The following RUFY1 variants were observed in gnomAD, a reference collection of about 807,000 sequenced individuals.
The protein encoded by RUFY1 is RUN and FYVE domain containing 1.
In RUFY1, 54 loss-of-function variants were observed where a neutral mutation model predicts 94.6. The observed-to-expected ratio is 0.57, with a 90% CI of 0.46 to 0.72. RUFY1 has a LOEUF of 0.72. Ranked by LOEUF, RUFY1 falls within the 30% of genes least tolerant of loss-of-function variation. The pLI is 0.00. For synonymous variants in RUFY1, 396 were observed against 347.3 expected, an observed-to-expected ratio of 1.14 and a Z score of -1.56; for missense variants, 883 against 883.9, an observed-to-expected ratio of 1.00 and a Z score of 0.01.
intron 14 of RUFY1, 145 bp from the exon 15 acceptor site, chr5:179,601,747 A>G (rs1374309223): frequency 6.9e-6 from 4 of 580,356 alleles, no homozygotes; most frequent in Non-Finnish European, 1.2e-5. Flanking sequence ...TGAACCCAGG[A>G]GGCGGAGGTT....
intron 3 of RUFY1, among the ~76,000 whole-genome samples, chr5:179,566,261 TTTCTC>T (rs574340274): frequency 1.4e-4 from 22 of 152,332 alleles, no homozygotes; most frequent in African/African-American, 4.8e-4. Flanking sequence ...TTTCTTTTCT[TTTCTC>T]TTCTTTTCTT....
At chr5:179,593,782 G>T in intron 11 of RUFY1, 137 bp downstream of exon 11, 1 of 1,351,860 alleles carries the variant, frequency 7.4e-7, no homozygotes, top group Non-Finnish European at 9.9e-7. Flanking sequence ...GACCTATTAT[G>T]ATTTTGATCC....
chr5:179,559,938 G>C (rs1409382437), intron 1 of RUFY1, 87 bp from the exon 2 acceptor site: 14 of 1,512,854 alleles, frequency 9.3e-6, no homozygotes, highest in Non-Finnish European at 1.2e-5. Flanking sequence ...CTGGCCTCCT[G>C]CCTGACCCGT....
At chr5:179,559,677 G>T (rs1581422151) in intron 1 of RUFY1, 1 of 1,034,366 alleles carries the variant, frequency 9.7e-7, no homozygotes, top group Non-Finnish European at 1.2e-6. Context: ...TGTAGGTAGC[G>T]CCCTTCCATT....
At position 179,608,566 on chromosome 5, in the gene RUFY1, C is replaced by T. The variant is rs551589347; in HGVS notation, c.1984-810C>T. Reference sequence around the variant, plus strand: ...AGCAAAGAGAACGAACCAGACTCTTCCTGTAACATGGACTAGCAGCTCACT... The same window carrying T: ...AGCAAAGAGAACGAACCAGACTCTTTCTGTAACATGGACTAGCAGCTCACT... On this transcript the variant is annotated intron_variant, in intron 17 of 17. Transcript: ENST00000319449. The T allele has an allele frequency of 2.4e-4, 232 of 985,486 alleles. No homozygotes were observed. The African/African-American group carries it at 3.9e-3, about 17-fold the overall frequency. 61.0% of individuals were successfully genotyped at this position (985,486 alleles called of 1,614,324 possible). A position where few individuals can be genotyped will look rare whatever the true frequency, so the allele number is the denominator to read the frequency against.
In RUFY1 at chr5:179,560,234, C is replaced by T. The variant is rs747535943; in HGVS notation, c.484+36C>T. 9 of 1,601,420 alleles carry T rather than the reference C, an allele frequency of 5.6e-6. No homozygotes were observed. In the East Asian group the frequency reaches 1.8e-4, roughly 32 times the overall value. ...GGGGGCGTTTGGGAGCGTGGAAGTT[C>T]GGGCTGGGTGTTTGCTCAGCATTTT... On this transcript the variant is annotated intron_variant, in intron 2 of 17. Coordinates refer to ENST00000319449, the MANE Select transcript of RUFY1 (RefSeq NM_025158.5).
intron 12 of RUFY1, chr5:179,596,139 G>A: frequency 3.7e-6 from 1 of 273,036 alleles, no homozygotes; most frequent in South Asian, 3.4e-5. Flanking sequence ...TCTGTGCGGT[G>A]AAGTATGACT....
At chr5:179,591,417 C>G (rs910956873) in intron 9 of RUFY1, among the ~76,000 whole-genome samples, 3 of 149,760 alleles carry the variant, frequency 2.0e-5, no homozygotes, top group African/African-American at 7.4e-5. Context: ...ATCGCCTGAC[C>G]TCGTGATCCG....
chr5:179,609,460 C>A lies in RUFY1; in HGVS notation c.2068C>A (p.Arg690=), dbSNP rs201071293. 421 of 1,611,982 alleles carry A rather than the reference C, an allele frequency of 2.6e-4. No homozygotes were observed. Among genetic ancestry groups the A allele is most frequent in the Admixed American group, 3.0e-4 (18 of 60,000 alleles). Residue 690 remains arginine, a synonymous_variant, in exon 18 of 18, where the codon CGA becomes AGA. Coordinates refer to ENST00000319449, the MANE Select transcript of RUFY1 (RefSeq NM_025158.5). ...LALPSYPKPV[R]VCDSCHTLLL... is the part of the protein sequence containing the mutation. ...CCTGCCCTCCTACCCCAAGCCGGTG[C>A]GAGTGTGCGACAGCTGCCACACCCT...
At chr5:179,590,712 TC>T (rs1020750904) in intron 9 of RUFY1, 4 of 151,886 alleles carry the variant, frequency 2.6e-5, no homozygotes, top group African/African-American at 9.7e-5. Context: ...GGTCTCGATC[TC>T]CTGACCTCGT....
intron 1 of RUFY1, among the ~76,000 whole-genome samples, chr5:179,558,533 T>C (rs1024078247): frequency 1.3e-5 from 2 of 151,250 alleles, no homozygotes; most frequent in Non-Finnish European, 2.9e-5. Flanking sequence ...GATGGCGCCA[T>C]TGCACTCCAG....
At chr5:179,584,703 A>G (rs1016754788) in intron 7 of RUFY1, among the ~76,000 whole-genome samples, 2 of 152,172 alleles carry the variant, frequency 1.3e-5, no homozygotes, top group African/African-American at 4.8e-5. Context: ...TTGAGGCTAC[A>G]GTGAGCCATG....
intron 7 of RUFY1, among the ~76,000 whole-genome samples, chr5:179,584,981 A>G (rs990898960): frequency 6.6e-6 from 1 of 151,932 alleles, no homozygotes; most frequent in Non-Finnish European, 1.5e-5. Context: ...TAAAAATACA[A>G]TTAGCCGAGC....
In RUFY1 at chr5:179,580,246, T is replaced by TATATATATA. The variant is rs1554118967; in HGVS notation, c.891-701_891-700insATATATATA. 9.9e-3 allele frequency among the ~76,000 whole-genome samples: 1,036 copies of TATATATATA among 104,172 alleles called. 22 individuals carry two copies. Among genetic ancestry groups the TATATATATA allele is most frequent in the Middle Eastern group, 0.044 (9 of 206 alleles). 68.3% of individuals were successfully genotyped at this position (104,172 alleles called of 152,430 possible). ...GTGTGTGTGTGTGTGTGTGTGTATA[T>TATATATATA]TTTTTTTTTTTTTTGAGACGGAGTC... On this transcript the variant is annotated intron_variant, in intron 6 of 17. Coordinates refer to ENST00000319449, the MANE Select transcript of RUFY1 (RefSeq NM_025158.5).
In RUFY1 at chr5:179,589,663, A is replaced by C. The variant is rs6895677; in HGVS notation, c.1128+16A>C. On this transcript the variant is annotated intron_variant, in intron 9 of 17. Transcript: ENST00000319449. ...GAGTGTAGAGGTGAGAAATTGACCTACATTTGGGCAGCATGTTTCTCACTC... is the reference window on the plus strand; with the variant it reads ...GAGTGTAGAGGTGAGAAATTGACCTCCATTTGGGCAGCATGTTTCTCACTC... The C allele has an allele frequency of 1.3e-6, 2 of 1,547,770 alleles. No individual in the cohort carries two copies. The highest frequency in any genetic ancestry group is 1.7e-4 in the Middle Eastern group (1 of 5,934).
chr5:179,596,940 G>GTA (rs1210832191), intron 13 of RUFY1: 1 of 452,606 alleles, frequency 2.2e-6, no homozygotes, highest in Non-Finnish European at 3.9e-6. Context: ...GTCACAGCCT[G>GTA]TATCACCCTT....
At position 179,607,656 on chromosome 5, in the gene RUFY1, A is replaced by G. The variant is rs1305762106; in HGVS notation, c.1980A>G (p.Arg660=). 1 of 1,613,730 alleles carries G rather than the reference A, an allele frequency of 6.2e-7. No individual in the cohort carries two copies. The highest frequency in any genetic ancestry group is 1.3e-5 in the African/African-American group (1 of 75,048). The change falls in exon 17 of 18, where the codon AGA becomes AGG. Residue 660 remains arginine (R), a synonymous_variant. Transcript: ENST00000319449. The part of the protein sequence containing the change: ...QCEKEFSISR[R]KHHCRNCGHI... ...AGAAGGAGTTCTCCATTTCCCGGAGAAAGGTACGTGGGGGCTCCACCCACC... is the reference window on the plus strand; with the variant it reads ...AGAAGGAGTTCTCCATTTCCCGGAGGAAGGTACGTGGGGGCTCCACCCACC...
chr5:179,609,733 C>G lies in RUFY1; in HGVS notation c.*214C>G. On this transcript the variant is annotated 3_prime_UTR_variant, in exon 18 of 18. Transcript: ENST00000319449. ...AACTCCTCTGGATGGAAACTTCCAT[C>G]TTACTTGGTTACATCACGGCTCTGG... is the stretch of plus-strand genomic sequence containing the variant. 2 of 490,954 alleles carry G rather than the reference C, an allele frequency of 4.1e-6. No individual in the cohort carries two copies. The highest frequency in any genetic ancestry group is 7.2e-6 in the Non-Finnish European group (2 of 279,370). 30.4% of individuals were successfully genotyped at this position (490,954 alleles called of 1,614,324 possible).
intron 15 of RUFY1, 67 bp from the exon 16 acceptor site, chr5:179,605,809 G>T: frequency 9.6e-7 from 1 of 1,038,644 alleles, no homozygotes; most frequent in Non-Finnish European, 1.5e-6. Flanking sequence ...CTGAGAGCCA[G>T]CTGTGTTAGG....
Sources: allele counts gnomAD v4.1 joint callset (sites outside exome capture counted in the v4.1 genomes callset), GRCh38; gene constraint gnomAD v4.1.1; transcripts MANE v1.5; gene names NCBI Gene and HGNC (gene_info 2026-07-23, HGNC 2026-07-21).